The following OAF variants were observed in gnomAD, a reference collection of about 807,000 sequenced individuals.
The protein encoded by OAF is out at first protein homolog.
A neutral mutation model predicts 22.5 loss-of-function variants in OAF; 13 were observed. The observed-to-expected ratio is 0.58, with a 90% CI of 0.38 to 0.92. OAF has a LOEUF of 0.92. OAF is among the 40% of genes least tolerant of loss of function. OAF has a pLI of 0.00. For missense variants in OAF, 347 were observed against 381.8 expected (o/e 0.91, Z 0.76); for synonymous variants, 175 against 170.5 (o/e 1.03, Z -0.21).
intron 1 of OAF, among the ~76,000 whole-genome samples, chr11:120,214,506 C>T (rs1938186197): frequency 6.6e-6 from 1 of 152,210 alleles, no homozygotes; most frequent in East Asian, 1.9e-4. Context: ...TCTTAACCTT[C>T]TCCTTGAAGT....
At chr11:120,220,283 C>T (rs992093134) in intron 1 of OAF, among the ~76,000 whole-genome samples, 19 of 152,176 alleles carry the variant, frequency 1.2e-4, no homozygotes, top group Admixed American at 7.9e-4. Flanking sequence ...CTGGTTCAGA[C>T]CCTGCGTCCT....
At chr11:120,212,403 G>A (rs1051966486) in intron 1 of OAF, among the ~76,000 whole-genome samples, 1 of 152,084 alleles carries the variant, frequency 6.6e-6, no homozygotes, top group Admixed American at 6.5e-5. Flanking sequence ...CAGGAAATGG[G>A]CCTGGATGGT....
chr11:120,219,314 C>T (rs911629275), intron 1 of OAF, among the ~76,000 whole-genome samples: 2 of 152,084 alleles, frequency 1.3e-5, no homozygotes, highest in Non-Finnish European at 1.5e-5. Flanking sequence ...GGACGGTGTG[C>T]GCGAATGGGG....
Position 120,225,841 on chromosome 11 carries a change from C to G in OAF, c.366+46C>G, listed in dbSNP as rs752465584. On this transcript the variant is annotated intron_variant, in intron 2 of 3. Coordinates refer to ENST00000328965, the MANE Select transcript of OAF (RefSeq NM_178507.4). Reference sequence around the variant, plus strand: ...GCCTGGCCCAGGTCCTGACCCGCAGCAGACCCGGCCCAGATCCCATCCCGC... The same window carrying G: ...GCCTGGCCCAGGTCCTGACCCGCAGGAGACCCGGCCCAGATCCCATCCCGC... 2.6e-6 allele frequency: 4 copies of G among 1,559,734 alleles called. No individual in the cohort carries two copies. The Admixed American group carries it at 5.6e-5, about 22-fold the overall frequency.
intron 1 of OAF, among the ~76,000 whole-genome samples, chr11:120,220,002 G>A (rs74894672): frequency 0.056 from 8,525 of 152,250 alleles, 277 homozygotes; most frequent in Admixed American, 0.12. Flanking sequence ...CCAGCTGTGC[G>A]ACAGACCCCA....
In OAF at chr11:120,211,332, C is replaced by G. The variant is rs1303142798; in HGVS notation, c.53C>G (p.Pro18Arg). 4 of 1,396,648 alleles carry G rather than the reference C, an allele frequency of 2.9e-6. No homozygotes were observed. Among genetic ancestry groups the G allele is most frequent in the Non-Finnish European group, 3.7e-6 (4 of 1,072,112 alleles). 86.5% of individuals were successfully genotyped at this position (1,396,648 alleles called of 1,614,324 possible). A position where few individuals can be genotyped will look rare whatever the true frequency, so the allele number is the denominator to read the frequency against. The change falls in exon 1 of 4, where the codon CCG (proline) becomes CGG (arginine). Residue 18 changes from proline to arginine, a missense_variant. Pro to Arg is a moderately radical substitution (Grantham distance 103). Coordinates refer to ENST00000328965, the MANE Select transcript of OAF (RefSeq NM_178507.4). ...LARPALLLLLPLLAPLLGTGA... is the reference protein window; with the variant it reads ...LARPALLLLLRLLAPLLGTGA... Reference sequence around the variant, plus strand: ...CGCCCTGCGCTGCTGCTGCTGCTGCCGCTGCTCGCGCCGCTGCTGGGAACG... The same window carrying G: ...CGCCCTGCGCTGCTGCTGCTGCTGCGGCTGCTCGCGCCGCTGCTGGGAACG...
At chr11:120,228,142 T>C (rs1328491119) in intron 3 of OAF, among the ~76,000 whole-genome samples, 3 of 151,740 alleles carry the variant, frequency 2.0e-5, no homozygotes, top group Non-Finnish European at 2.9e-5. Flanking sequence ...TGGAGTGCAA[T>C]GGCACGATCT....
intron 1 of OAF, among the ~76,000 whole-genome samples, chr11:120,213,379 G>T (rs1938175129): frequency 6.6e-6 from 1 of 152,136 alleles, no homozygotes; most frequent in Non-Finnish European, 1.5e-5. Context: ...AATCTCTACA[G>T]TGGTTCAGAC....
intron 3 of OAF, 47 bp from the exon 4 acceptor site, chr11:120,228,821 T>TACCAAACAAA: frequency 1.2e-5 from 6 of 520,280 alleles, no homozygotes; most frequent in East Asian, 3.4e-5. Flanking sequence ...GGGAGCTCCT[T>TACCAAACAAA]CCCTCCCTCC....
intron 1 of OAF, among the ~76,000 whole-genome samples, chr11:120,216,289 G>A (rs1938211929): frequency 6.6e-6 from 1 of 152,190 alleles, no homozygotes; most frequent in Non-Finnish European, 1.5e-5. Context: ...GTATCCCAAG[G>A]AGATATCACA....
At chr11:120,215,079 C>T (rs1220084581) in intron 1 of OAF, among the ~76,000 whole-genome samples, 1 of 152,094 alleles carries the variant, frequency 6.6e-6, no homozygotes, top group Non-Finnish European at 1.5e-5. Flanking sequence ...TTTAAAGAAC[C>T]CAGGTGATGT....
In OAF at chr11:120,229,882, T is replaced by C. The variant is rs952932808; in HGVS notation, c.*740T>C. On this transcript the variant is annotated 3_prime_UTR_variant, in exon 4 of 4. Transcript: ENST00000328965. ...GTACGAGGAAAACTTGAATTCCAGA[T>C]TTTTAGTGCAAAGTATTTATCATTT... The C allele has an allele frequency of 1.3e-5, 2 of 152,620 alleles. No homozygotes were observed. Among genetic ancestry groups the C allele is most frequent in the Non-Finnish European group, 2.9e-5 (2 of 68,044 alleles). 9.5% of individuals were successfully genotyped at this position (152,620 alleles called of 1,614,324 possible).
Position 120,211,092 on chromosome 11 carries a change from G to C in OAF, c.-188G>C. ...GCGCCGTCTCCGCCTCGGGGCCGCC[G>C]GGGGCGCCCTGCTGAGCGCTACCCA... is the stretch of plus-strand genomic sequence containing the variant. On this transcript the variant is annotated 5_prime_UTR_variant, in exon 1 of 4. Transcript: ENST00000328965. 1 of 198,312 alleles carries C rather than the reference G, an allele frequency of 5.0e-6. No individual in the cohort carries two copies. Among genetic ancestry groups the C allele is most frequent in the Non-Finnish European group, 9.9e-6 (1 of 100,516 alleles). The allele number at this position is 198,312 out of a possible 1,614,324, so 12.3% of individuals were successfully genotyped here.
chr11:120,222,355 C>T (rs936027970), intron 1 of OAF, among the ~76,000 whole-genome samples: 3 of 150,374 alleles, frequency 2.0e-5, no homozygotes, highest in East Asian at 2.0e-4. Flanking sequence ...GTCAGGAGTT[C>T]GATACCAGCC....
At chr11:120,218,118 C>T (rs1162117357) in intron 1 of OAF, among the ~76,000 whole-genome samples, 4 of 149,668 alleles carry the variant, frequency 2.7e-5, no homozygotes, top group Admixed American at 1.3e-4. Flanking sequence ...CTTTGGGATT[C>T]GGCTGACAGA....
chr11:120,223,963 TCTCTC>T (rs1268466305), intron 1 of OAF, among the ~76,000 whole-genome samples: 2 of 152,124 alleles, frequency 1.3e-5, no homozygotes, highest in East Asian at 3.8e-4. Flanking sequence ...CAGCCTCCCA[TCTCTC>T]CTCAGCCGAC....
At chr11:120,214,945 CG>C (rs1333265487) in intron 1 of OAF, among the ~76,000 whole-genome samples, 2 of 152,246 alleles carry the variant, frequency 1.3e-5, no homozygotes, top group Admixed American at 1.3e-4. Context: ...CCAGCTTTGC[CG>C]CACCTCACAA....
intron 1 of OAF, among the ~76,000 whole-genome samples, chr11:120,223,108 G>C (rs538771074): frequency 2.6e-5 from 4 of 152,306 alleles, no homozygotes; most frequent in African/African-American, 9.6e-5. Flanking sequence ...GCATGATGGG[G>C]AGCGGGTCCT....
Position 120,219,112 on chromosome 11 carries a change from CAGGG to C in OAF, c.232-6548_232-6545del, listed in dbSNP as rs200887307. On this transcript the variant is annotated intron_variant, in intron 1 of 3. Coordinates refer to ENST00000328965, the MANE Select transcript of OAF (RefSeq NM_178507.4). Reference sequence around the variant, plus strand: ...CGCTGGGCATGAGATGGGGAATTCACAGGGGGGGTGGGCGTGGGGACTGCGGAGA... The same window carrying C: ...CGCTGGGCATGAGATGGGGAATTCACGGGGTGGGCGTGGGGACTGCGGAGA... 1.4e-3 allele frequency among the ~76,000 whole-genome samples: 171 copies of C among 118,308 alleles called. 6 individuals carry two copies. In the East Asian group the frequency reaches 0.039, roughly 27 times the overall value. The allele number at this position is 118,308 out of a possible 152,430, so 77.6% of individuals were successfully genotyped here.
Sources: allele counts gnomAD v4.1 joint callset (sites outside exome capture counted in the v4.1 genomes callset), GRCh38; gene constraint gnomAD v4.1.1; transcripts MANE v1.5; gene names NCBI Gene and HGNC (gene_info 2026-07-23, HGNC 2026-07-21).